Variants in NRG1 observed in about 807,000 individuals in gnomAD.
NRG1 encodes the protein pro-neuregulin-1, membrane-bound isoform.
Under a neutral mutation model 63.8 loss-of-function variants are expected in NRG1, and 18 were observed. The observed-to-expected ratio is 0.28, with a 90% CI of 0.19 to 0.42. The LOEUF (loss-of-function observed/expected upper bound fraction) is 0.42, where lower values mean the gene tolerates loss of function less well. NRG1 is among the 10% of genes least tolerant of loss of function. The pLI, the probability that NRG1 is intolerant of heterozygous loss-of-function variation, is 1.00. For missense variants in NRG1, 762 were observed against 814.7 expected, an observed-to-expected ratio of 0.94 and a Z score of 0.79; for synonymous variants, 302 against 301.3, an observed-to-expected ratio of 1.00 and a Z score of -0.02.
intron 1 of NRG1, among the ~76,000 whole-genome samples, chr8:32,173,211 C>T (rs1034081374): frequency 2.0e-5 from 3 of 152,118 alleles, no homozygotes; most frequent in African/African-American, 7.2e-5. Flanking sequence ...AAAGAATTTT[C>T]AACCCAGAAT....
At chr8:32,358,151 C>G (rs1423153087) in intron 1 of NRG1, among the ~76,000 whole-genome samples, 1 of 152,026 alleles carries the variant, frequency 6.6e-6, no homozygotes, top group African/African-American at 2.4e-5. Flanking sequence ...GATGCAAAAG[C>G]TGGAGCTACA....
At chr8:31,768,055 G>C (rs972564172) in intron 1 of NRG1, among the ~76,000 whole-genome samples, 3 of 152,222 alleles carry the variant, frequency 2.0e-5, no homozygotes, top group Admixed American at 6.5e-5. Flanking sequence ...CAGGGCTGGA[G>C]TATCTTCTTA....
chr8:32,637,043 C>T (rs1171318404), intron 5 of NRG1, among the ~76,000 whole-genome samples: 2 of 152,022 alleles, frequency 1.3e-5, no homozygotes, highest in Non-Finnish European at 2.9e-5. Flanking sequence ...AGATAGGCTC[C>T]TTTCATATAT....
Position 31,758,755 on chromosome 8 carries a change from A to G in NRG1, c.37+119324A>G, listed in dbSNP as rs139162632. Among the ~76,000 whole-genome samples the G allele has an allele frequency of 3.8e-3, 582 of 152,230 alleles. 1 individual carries two copies. The highest frequency in any genetic ancestry group is 0.02 in the Middle Eastern group (6 of 294). Reference sequence around the variant, plus strand: ...CATTCATGTACAATTTTTTATGCCAATTGGCTTTAATGTCTCTTGAGTGAG... The same window carrying G: ...CATTCATGTACAATTTTTTATGCCAGTTGGCTTTAATGTCTCTTGAGTGAG... On this transcript the variant is annotated intron_variant, in intron 1 of 10. Transcript: ENST00000519301.
At chr8:32,695,114 G>C (rs1269600994) in intron 5 of NRG1, among the ~76,000 whole-genome samples, 1 of 152,116 alleles carries the variant, frequency 6.6e-6, no homozygotes, top group East Asian at 1.9e-4. Flanking sequence ...TCAGCACTTT[G>C]GGAGGTCGAG....
At chr8:32,443,722 C>T (rs945389584) in intron 1 of NRG1, among the ~76,000 whole-genome samples, 2 of 152,030 alleles carry the variant, frequency 1.3e-5, no homozygotes, top group Non-Finnish European at 2.9e-5. Flanking sequence ...TATTATTTAC[C>T]AAGCCTTCCT....
intron 1 of NRG1, among the ~76,000 whole-genome samples, chr8:32,106,573 A>G (rs1359493505): frequency 6.6e-6 from 1 of 152,202 alleles, no homozygotes; most frequent in Non-Finnish European, 1.5e-5. Flanking sequence ...ATGAGCTCAT[A>G]AAATATGTGT....
At chr8:31,727,238 G>A (rs1225841505) in intron 1 of NRG1, among the ~76,000 whole-genome samples, 1 of 152,172 alleles carries the variant, frequency 6.6e-6, no homozygotes, top group African/African-American at 2.4e-5. Flanking sequence ...AGGAGGGTAT[G>A]TGGTATGTGC....
chr8:32,296,978 G>C (rs1290798209), intron 1 of NRG1, among the ~76,000 whole-genome samples: 16 of 152,004 alleles, frequency 1.1e-4, no homozygotes, highest in Non-Finnish European at 1.5e-5. Flanking sequence ...AGCTGGGCGT[G>C]GTGGCCCGCA....
At chr8:31,836,130 G>A (rs980879564) in intron 1 of NRG1, among the ~76,000 whole-genome samples, 1 of 152,082 alleles carries the variant, frequency 6.6e-6, no homozygotes, top group Non-Finnish European at 1.5e-5. Flanking sequence ...ATGAAAAGGA[G>A]TAAAACCAAG....
intron 1 of NRG1, among the ~76,000 whole-genome samples, chr8:31,740,247 G>A (rs1815126943): frequency 2.6e-5 from 4 of 151,982 alleles, no homozygotes; most frequent in African/African-American, 9.7e-5. Flanking sequence ...AGAAATATTT[G>A]AGATGCCTCT....
At chr8:32,115,233 G>C (rs1387862100) in intron 1 of NRG1, among the ~76,000 whole-genome samples, 2 of 151,804 alleles carry the variant, frequency 1.3e-5, no homozygotes, top group African/African-American at 4.8e-5. Context: ...GTTTCATCAC[G>C]TTGGCCAGGC....
chr8:32,066,156 AG>A (rs1486591186), intron 1 of NRG1, among the ~76,000 whole-genome samples: 2 of 152,200 alleles, frequency 1.3e-5, no homozygotes, highest in African/African-American at 4.8e-5. Flanking sequence ...TTCTGATGGT[AG>A]TTTCTTTTGC....
chr8:32,145,097 A>G (rs1585632708), intron 1 of NRG1, among the ~76,000 whole-genome samples: 2 of 152,310 alleles, frequency 1.3e-5, no homozygotes, highest in East Asian at 3.9e-4. Flanking sequence ...GGTTTAGCCA[A>G]CCACGTGGAA....
At chr8:32,558,088 A>G (rs1338212079) in intron 1 of NRG1, among the ~76,000 whole-genome samples, 7 of 152,324 alleles carry the variant, frequency 4.6e-5, no homozygotes, top group African/African-American at 1.7e-4. Context: ...GGCAGAAAAG[A>G]CAAGGACCGC....
chr8:32,423,940 G>A (rs1817012660), intron 1 of NRG1, among the ~76,000 whole-genome samples: 1 of 152,100 alleles, frequency 6.6e-6, no homozygotes, highest in Non-Finnish European at 1.5e-5. Flanking sequence ...AATAATGAAT[G>A]GGAATGTTAT....
At chr8:32,149,109 T>C (rs1022390586) in intron 1 of NRG1, among the ~76,000 whole-genome samples, 2 of 152,156 alleles carry the variant, frequency 1.3e-5, no homozygotes, top group African/African-American at 4.8e-5. Flanking sequence ...ATTCTCAAAG[T>C]GGGACTAATG....
chr8:32,529,583 T>C (rs922709234), intron 1 of NRG1, among the ~76,000 whole-genome samples: 3 of 152,230 alleles, frequency 2.0e-5, no homozygotes, highest in Admixed American at 6.5e-5. Context: ...ATATTCTTAT[T>C]CTATAAGCTT....
chr8:32,113,746 T>C (rs898913824), intron 1 of NRG1, among the ~76,000 whole-genome samples: 1 of 152,204 alleles, frequency 6.6e-6, no homozygotes, highest in African/African-American at 2.4e-5. Flanking sequence ...AGACCGGTAG[T>C]TTAGAACACA....
Sources: allele counts gnomAD v4.1 joint callset (sites outside exome capture counted in the v4.1 genomes callset), GRCh38; gene constraint gnomAD v4.1.1; transcripts MANE v1.5; gene names NCBI Gene and HGNC (gene_info 2026-07-23, HGNC 2026-07-21).